Variants in KIFC3 observed in about 807,000 individuals in gnomAD.
The protein encoded by KIFC3 is kinesin family member C3.
Under a neutral mutation model 101.8 loss-of-function variants are expected in KIFC3, and 60 were observed. That is an observed-to-expected ratio of 0.59 (90% confidence interval 0.48 to 0.73). KIFC3 has a LOEUF of 0.73. Ranked by LOEUF, KIFC3 falls within the 30% of genes least tolerant of loss-of-function variation. The probability of loss-of-function intolerance (pLI) is 0.00; values close to 1 mark genes in which losing one functional copy is unlikely to be tolerated. For missense variants in KIFC3, 966 were observed against 1,137.1 expected (o/e 0.85, Z 2.16); for synonymous variants, 476 against 482.7 (o/e 0.99, Z 0.18).
intron 1 of KIFC3, among the ~76,000 whole-genome samples, chr16:57,843,699 G>A (rs1271820826): frequency 6.6e-6 from 1 of 152,018 alleles, no homozygotes; most frequent in Admixed American, 6.6e-5. Context: ...AGTCAGATCT[G>A]GGCAGTTGGC....
chr16:57,786,879 G>A (rs1555617986), intron 3 of KIFC3, among the ~76,000 whole-genome samples: 1 of 152,176 alleles, frequency 6.6e-6, no homozygotes, highest in Non-Finnish European at 1.5e-5. Flanking sequence ...AGCCCCAGGA[G>A]GAGGGGCAGA....
Position 57,861,223 on chromosome 16 carries a change from T to C in KIFC3, c.108+1506A>G, listed in dbSNP as rs566549343. Among the ~76,000 whole-genome samples, 5 of 152,326 alleles carry C rather than the reference T, an allele frequency of 3.3e-5. 1 individual carries two copies. The South Asian group carries it at 1.0e-3, about 32-fold the overall frequency. ...AAGAATGCATTTTGTTCTTGAAATA[T>C]TGGGACGTTTCCATAAGTTCTGGGT... On this transcript the variant is annotated intron_variant, in intron 1 of 2. Transcript: ENST00000563028.
Position 57,758,652 on chromosome 16 carries a change from G to A in KIFC3, c.*282C>T. On this transcript the variant is annotated 3_prime_UTR_variant, in exon 20 of 20. Transcript: ENST00000445690. Reference sequence around the variant, plus strand: ...CCCTCCTCACGGGGCCCAGTTCGCTGATGGCCCAGGCCTGCCAGGAAGAGC... The same window carrying A: ...CCCTCCTCACGGGGCCCAGTTCGCTAATGGCCCAGGCCTGCCAGGAAGAGC... The A allele has an allele frequency of 1.4e-6, 1 of 703,190 alleles. No homozygotes were observed. Among genetic ancestry groups the A allele is most frequent in the East Asian group, 2.7e-5 (1 of 37,182 alleles). The allele number at this position is 703,190 out of a possible 1,614,324, so 43.6% of individuals were successfully genotyped here.
At chr16:57,761,285 A>T in intron 14 of KIFC3, 114 bp from the exon 15 acceptor site, 2 of 1,581,594 alleles carry the variant, frequency 1.3e-6, no homozygotes, top group Non-Finnish European at 1.7e-6. Context: ...AGATGAGGAA[A>T]CTGAGGCTCA....
chr16:57,787,202 T>C (rs1356756763), intron 3 of KIFC3, among the ~76,000 whole-genome samples: 1 of 152,192 alleles, frequency 6.6e-6, no homozygotes, highest in Non-Finnish European at 1.5e-5. Flanking sequence ...GGGAACACAC[T>C]GGACTCCTGG....
chr16:57,772,506 C>T (rs1413307899), intron 3 of KIFC3, among the ~76,000 whole-genome samples: 1 of 152,144 alleles, frequency 6.6e-6, no homozygotes, highest in East Asian at 1.9e-4. Flanking sequence ...TCTCCCTCCA[C>T]AGGACAGAGC....
chr16:57,852,759 C>T (rs1235588045), intron 1 of KIFC3, among the ~76,000 whole-genome samples: 2 of 4,548 alleles, frequency 4.4e-4, no homozygotes, highest in Non-Finnish European at 6.5e-4. Flanking sequence ...TGTAAGCTCC[C>T]GTGAGCCGTG....
Position 57,810,336 on chromosome 16 carries a change from C to G in KIFC3, c.109-12054G>C, listed in dbSNP as rs542629001. 4.4e-4 allele frequency among the ~76,000 whole-genome samples: 67 copies of G among 152,332 alleles called. 1 individual carries two copies. The highest frequency in any genetic ancestry group is 3.3e-3 in the Admixed American group (50 of 15,300). On this transcript the variant is annotated intron_variant, in intron 1 of 2. Coordinates refer to the KIFC3 transcript ENST00000563028. ...TGCTGCTGCCTTTAAACTGTAGCTT[C>G]GCTTTGCTGAGGTTCTGTGGTGCGC...
intron 1 of KIFC3, among the ~76,000 whole-genome samples, chr16:57,827,675 T>C (rs1555631010): frequency 6.6e-6 from 1 of 152,160 alleles, no homozygotes; most frequent in African/African-American, 2.4e-5. Context: ...CACGAGGCCA[T>C]GGATGGTCAC....
chr16:57,789,544 G>A (rs74022049), intron 3 of KIFC3, among the ~76,000 whole-genome samples: 1 of 152,190 alleles, frequency 6.6e-6, no homozygotes, highest in East Asian at 1.9e-4. Context: ...GGAAGATTCG[G>A]GGGGGATGGT....
chr16:57,758,870 C>G lies in KIFC3; in HGVS notation c.*64G>C. The G allele has an allele frequency of 6.2e-7, 1 of 1,603,964 alleles. No homozygotes were observed. Among genetic ancestry groups the G allele is most frequent in the Non-Finnish European group, 8.5e-7 (1 of 1,174,768 alleles). ...AGTGAGGGCCCAGCTTCAGGCCCAGCGGGGTCACATCCGTCACACAGGCAG... is the reference window on the plus strand; with the variant it reads ...AGTGAGGGCCCAGCTTCAGGCCCAGGGGGGTCACATCCGTCACACAGGCAG... On this transcript the variant is annotated 3_prime_UTR_variant, in exon 20 of 20. Transcript: ENST00000445690.
intron 18 of KIFC3, chr16:57,759,471 G>A: frequency 1.7e-6 from 1 of 577,126 alleles, no homozygotes; most frequent in Non-Finnish European, 3.1e-6. Context: ...GGTAGAGTCA[G>A]CACCCCCGGC....
At position 57,795,886 on chromosome 16, in the gene KIFC3, T is replaced by TTTTG. The variant is rs1207379684; in HGVS notation, c.173-746_173-745insCAAA. Among the ~76,000 whole-genome samples, 229 of 27,792 alleles carry TTTTG rather than the reference T, an allele frequency of 8.2e-3. 10 individuals carry two copies. Among genetic ancestry groups the TTTTG allele is most frequent in the South Asian group, 0.035 (25 of 714 alleles). The allele number at this position is 27,792 out of a possible 152,430, so 18.2% of individuals were successfully genotyped here. On this transcript the variant is annotated intron_variant, in intron 2 of 19. Coordinates refer to ENST00000445690, the MANE Select transcript of KIFC3 (RefSeq NM_001130100.2). ...ATTCTGTTTTTTTGGGCTTTTTTGT[T>TTTTG]TTTTTTTTTTTTTTTTTTTTTTTTT... is the stretch of plus-strand genomic sequence containing the variant.
chr16:57,837,554 G>GAAGGAAGA (rs71152302), intron 1 of KIFC3, among the ~76,000 whole-genome samples: 29 of 100,016 alleles, frequency 2.9e-4, no homozygotes, highest in Admixed American at 8.0e-4. Context: ...AGGAAGGAAG[G>GAAGGAAGA]AAGAAAGAAA....
intron 1 of KIFC3, among the ~76,000 whole-genome samples, chr16:57,814,297 A>G (rs928334338): frequency 1.2e-4 from 19 of 152,236 alleles, no homozygotes; most frequent in Admixed American, 2.6e-4. Flanking sequence ...CCACCTAGTC[A>G]GAAGTTCCCC....
At chr16:57,839,317 A>T (rs2055757013) in intron 1 of KIFC3, among the ~76,000 whole-genome samples, 1 of 152,138 alleles carries the variant, frequency 6.6e-6, no homozygotes, top group African/African-American at 2.4e-5. Flanking sequence ...AGGCGGGAGG[A>T]TCCCTTGAGC....
At chr16:57,778,347 A>G (rs1025129673) in intron 3 of KIFC3, among the ~76,000 whole-genome samples, 1 of 152,242 alleles carries the variant, frequency 6.6e-6, no homozygotes, top group African/African-American at 2.4e-5. Flanking sequence ...CTCAGAAGAA[A>G]ATAGAGGAGA....
In KIFC3 at chr16:57,794,983, A is replaced by G; in HGVS notation, c.315+16T>C. 1 of 1,536,708 alleles carries G rather than the reference A, an allele frequency of 6.5e-7. No individual in the cohort carries two copies. The highest frequency in any genetic ancestry group is 8.7e-7 in the Non-Finnish European group (1 of 1,151,624). On this transcript the variant is annotated intron_variant, in intron 3 of 19. Coordinates refer to ENST00000445690, the MANE Select transcript of KIFC3 (RefSeq NM_001130100.2). ...AGAGCCAAGGCACATGCAGCCTGGA[A>G]GGCCCCAGTGCTTACCTGCAGGGTC...
upstream of KIFC3, among the ~76,000 whole-genome samples, chr16:57,805,488 T>G (rs1054755043): frequency 2.0e-5 from 3 of 152,100 alleles, no homozygotes; most frequent in African/African-American, 4.8e-5. Flanking sequence ...GGTTCAGCCT[T>G]AGCCTTGACC....
Sources: gnomAD v4.1 joint callset for allele counts (sites outside exome capture counted in the v4.1 genomes callset) on GRCh38, gnomAD v4.1.1 for gene constraint, MANE v1.5 for transcripts, NCBI Gene and HGNC (gene_info 2026-07-23, HGNC 2026-07-21) for gene names.